AUTS2: variants seen among roughly 807,000 people sequenced by gnomAD.
AUTS2 encodes the protein autism susceptibility gene 2 protein.
AUTS2 carries 17 observed loss-of-function variants against 112.4 expected under a neutral mutation model. That is an observed-to-expected ratio of 0.15 (90% CI 0.10 to 0.23). The LOEUF is 0.23. AUTS2 is among the 10% of genes least tolerant of loss of function. The pLI is 1.00. For missense variants in AUTS2, 1,510 were observed against 1,701.6 expected (o/e 0.89, Z 1.98); for synonymous variants, 751 against 702.7 (o/e 1.07, Z -1.09).
At chr7:69,733,930 C>G (rs1786914333) in intron 1 of AUTS2, among the ~76,000 whole-genome samples, 1 of 152,190 alleles carries the variant, frequency 6.6e-6, no homozygotes, top group Middle Eastern at 3.4e-3. Flanking sequence ...GCGTAGTTCT[C>G]CACGGGAAGG....
chr7:70,664,389 A>G (rs1807226095), intron 5 of AUTS2, among the ~76,000 whole-genome samples: 1 of 152,194 alleles, frequency 6.6e-6, no homozygotes, highest in African/African-American at 2.4e-5. Context: ...TTGAACTTGT[A>G]AAGTGATGAA....
intron 1 of AUTS2, among the ~76,000 whole-genome samples, chr7:69,629,092 C>T (rs891542203): frequency 2.6e-5 from 4 of 152,134 alleles, no homozygotes; most frequent in African/African-American, 7.2e-5. Flanking sequence ...GTGAGCTTAG[C>T]ATGGACTGAA....
chr7:69,935,279 G>A (rs374725055), intron 2 of AUTS2, among the ~76,000 whole-genome samples: 2 of 151,468 alleles, frequency 1.3e-5, no homozygotes, highest in South Asian at 4.2e-4. Flanking sequence ...TATATGTGTT[G>A]CCAGGGTCCA....
chr7:69,743,536 G>A (rs991623818), intron 1 of AUTS2, among the ~76,000 whole-genome samples: 4 of 151,906 alleles, frequency 2.6e-5, no homozygotes, highest in African/African-American at 9.7e-5. Context: ...CGATTTTTAA[G>A]TGTACAGTTT....
chr7:69,670,555 C>CAAAAAAAA lies in AUTS2; in HGVS notation c.309+70622_309+70629dup, dbSNP rs200373158. On this transcript the variant is annotated intron_variant, in intron 1 of 18. Coordinates refer to ENST00000342771, the MANE Select transcript of AUTS2 (RefSeq NM_015570.4). ...CATGGTTGTTTTTTACTTGATCCCT[C>CAAAAAAAA]AAAAAAAAAAAAAAAAAAAAAAAAA... Among the ~76,000 whole-genome samples the CAAAAAAAA allele has an allele frequency of 3.3e-4, 39 of 119,042 alleles. 5 individuals carry two copies. The highest frequency in any genetic ancestry group is 1.2e-3 in the African/African-American group (37 of 30,006). The allele number at this position is 119,042 out of a possible 152,430, so 78.1% of individuals were successfully genotyped here.
Position 70,790,960 on chromosome 7 carries a change from C to T in AUTS2, c.3744C>T (p.Pro1248=), listed in dbSNP as rs1264450111. Residue 1248 remains proline (P), a synonymous_variant, in exon 19 of 19, where the codon CCC becomes CCT. Transcript: ENST00000342771. The surrounding 1 kb of genome is among the most constrained non-coding windows in gnomAD (Gnocchi z 7.6). ...TPLSAEIRER[P]PSHTLKDIEA... is the part of the protein sequence containing the mutation. Reference sequence around the variant, plus strand: ...TGTCCGCAGAGATAAGGGAGAGGCCCCCTTCCCACACGCTGAAGGATATCG... The same window carrying T: ...TGTCCGCAGAGATAAGGGAGAGGCCTCCTTCCCACACGCTGAAGGATATCG... The T allele has an allele frequency of 3.3e-6, 5 of 1,509,958 alleles. No homozygotes were observed. The highest frequency in any genetic ancestry group is 4.4e-6 in the Non-Finnish European group (5 of 1,129,146). The allele number at this position is 1,509,958 out of a possible 1,614,324, so 93.5% of individuals were successfully genotyped here. A position where few individuals can be genotyped will look rare whatever the true frequency, so the allele number is the denominator to read the frequency against.
intron 1 of AUTS2, among the ~76,000 whole-genome samples, chr7:69,683,104 G>A (rs1010920109): frequency 6.6e-6 from 1 of 152,238 alleles, no homozygotes; most frequent in Non-Finnish European, 1.5e-5. Flanking sequence ...GGTTATATTG[G>A]GAGGCTGGAT....
intron 5 of AUTS2, among the ~76,000 whole-genome samples, chr7:70,486,465 G>A (rs984713488): frequency 1.3e-5 from 2 of 152,188 alleles, no homozygotes; most frequent in African/African-American, 4.8e-5. Context: ...GGCCAGGCAC[G>A]GTGGCTCACG....
chr7:70,009,186 G>T (rs1444045342), intron 2 of AUTS2, among the ~76,000 whole-genome samples: 1 of 152,094 alleles, frequency 6.6e-6, no homozygotes, highest in African/African-American at 2.4e-5. Context: ...GCAAGAGGAA[G>T]CAGAACTCAC....
At chr7:70,628,763 A>G (rs1280762199) in intron 5 of AUTS2, among the ~76,000 whole-genome samples, 1 of 152,194 alleles carries the variant, frequency 6.6e-6, no homozygotes, top group Non-Finnish European at 1.5e-5. Flanking sequence ...GAATTAAGAC[A>G]GCATTAAAGA....
intron 5 of AUTS2, among the ~76,000 whole-genome samples, chr7:70,492,297 A>T (rs767051342): frequency 5.9e-5 from 9 of 151,716 alleles, no homozygotes; most frequent in Non-Finnish European, 1.0e-4. Context: ...CATTGAGCGA[A>T]TCCAGCCACC....
At chr7:70,629,930 G>T (rs974888160) in intron 5 of AUTS2, among the ~76,000 whole-genome samples, 4 of 152,084 alleles carry the variant, frequency 2.6e-5, no homozygotes, top group African/African-American at 9.7e-5. Context: ...GAGTCGTGTA[G>T]TCCATATTTC....
chr7:70,413,203 A>T (rs2130504689), intron 4 of AUTS2, among the ~76,000 whole-genome samples: 1 of 152,236 alleles, frequency 6.6e-6, no homozygotes, highest in South Asian at 2.1e-4. Flanking sequence ...CTCATCTTCA[A>T]ATAGCCTTGT....
intron 2 of AUTS2, among the ~76,000 whole-genome samples, chr7:70,070,292 A>G (rs79928447): frequency 1.2e-3 from 188 of 152,172 alleles, no homozygotes; most frequent in African/African-American, 4.2e-3. Flanking sequence ...AAGTATTTCA[A>G]TGGATGCTGG....
At chr7:69,631,692 T>G (rs1794251425) in intron 1 of AUTS2, among the ~76,000 whole-genome samples, 2 of 152,202 alleles carry the variant, frequency 1.3e-5, no homozygotes, top group South Asian at 4.1e-4. Context: ...TTGAATTGCT[T>G]AATTCCAAAA....
chr7:70,667,324 A>G (rs902123714), intron 5 of AUTS2, among the ~76,000 whole-genome samples: 4 of 152,252 alleles, frequency 2.6e-5, no homozygotes, highest in South Asian at 4.1e-4. Flanking sequence ...TCATCAGCAG[A>G]TGAAAAATAT....
At position 70,347,000 on chromosome 7, in the gene AUTS2, G is replaced by C. The variant is rs1297531002; in HGVS notation, c.661-88752G>C. Among the ~76,000 whole-genome samples, 5 of 152,148 alleles carry C rather than the reference G, an allele frequency of 3.3e-5. 1 individual carries two copies. The highest frequency in any genetic ancestry group is 7.3e-5 in the Non-Finnish European group (5 of 68,030). On this transcript the variant is annotated intron_variant, in intron 4 of 18. Transcript: ENST00000342771. ...AAGAGTCCGTGCCATCTCAGTGCTT[G>C]TTTTCCTTCCTGTCCCTTTATCTGG...
At chr7:70,000,346 T>G (rs1381159147) in intron 2 of AUTS2, among the ~76,000 whole-genome samples, 1 of 152,262 alleles carries the variant, frequency 6.6e-6, no homozygotes, top group East Asian at 1.9e-4. Context: ...AATTGTACTG[T>G]AATCATATGT....
chr7:70,527,635 A>G (rs927530730), intron 5 of AUTS2, among the ~76,000 whole-genome samples: 8 of 152,326 alleles, frequency 5.3e-5, no homozygotes, highest in South Asian at 2.1e-4. Flanking sequence ...AAAGGGAGAT[A>G]AAAGAGAAAA....
Sources: gnomAD v4.1 joint callset for allele counts (sites outside exome capture counted in the v4.1 genomes callset) on GRCh38, gnomAD v4.1.1 for gene constraint, Gnocchi (gnomAD v3.1) non-coding constraint, MANE v1.5 for transcripts, NCBI Gene and HGNC (gene_info 2026-07-23, HGNC 2026-07-21) for gene names.